Variants in MGAT4C observed in about 807,000 individuals in gnomAD.
MGAT4C encodes the protein alpha-1,3-mannosyl-glycoprotein 4-beta-N-acetylglucosaminyltransferase C.
MGAT4C carries 19 observed loss-of-function variants against 40.1 expected under a neutral mutation model. That is an observed-to-expected ratio of 0.47 (90% CI 0.33 to 0.70). MGAT4C has a LOEUF of 0.70. MGAT4C is among the 30% of genes least tolerant of loss of function. MGAT4C has a pLI of 0.02. For synonymous variants in MGAT4C, 181 were observed against 187.1 expected, an observed-to-expected ratio of 0.97 and a Z score of 0.27; for missense variants, 491 against 563.2, an observed-to-expected ratio of 0.87 and a Z score of 1.30.
chr12:86,306,326 G>T (rs1030433441), intron 4 of MGAT4C, among the ~76,000 whole-genome samples: 1 of 150,202 alleles, frequency 6.7e-6, no homozygotes, highest in African/African-American at 2.5e-5. Context: ...CATCAGAATG[G>T]ATAAACAATG....
intron 4 of MGAT4C, among the ~76,000 whole-genome samples, chr12:86,278,380 T>C (rs546991922): frequency 6.6e-6 from 1 of 152,224 alleles, no homozygotes; most frequent in African/African-American, 2.4e-5. Context: ...GATTTCACCA[T>C]GCTGGGCAGG....
chr12:86,033,340 T>G (rs1890931690), intron 2 of MGAT4C, among the ~76,000 whole-genome samples: 1 of 149,854 alleles, frequency 6.7e-6, no homozygotes, highest in Non-Finnish European at 1.5e-5. Context: ...ATCTTTAGAT[T>G]GCTTTGGGCA....
At chr12:86,316,374 C>T (rs142937875) in intron 4 of MGAT4C, among the ~76,000 whole-genome samples, 23 of 152,206 alleles carry the variant, frequency 1.5e-4, no homozygotes, top group Non-Finnish European at 3.1e-4. Flanking sequence ...GGCTATATAT[C>T]CAAAAGAAAA....
chr12:86,790,328 G>A (rs1403049705), intron 1 of MGAT4C, among the ~76,000 whole-genome samples: 1 of 152,024 alleles, frequency 6.6e-6, no homozygotes, highest in Non-Finnish European at 1.5e-5. Context: ...TTTTTCCCAT[G>A]AATCATGTTT....
intron 1 of MGAT4C, among the ~76,000 whole-genome samples, chr12:86,051,609 T>C (rs1391613616): frequency 2.0e-5 from 3 of 151,900 alleles, no homozygotes; most frequent in African/African-American, 7.2e-5. Flanking sequence ...TATTTTGTTA[T>C]CAAATCAAAA....
chr12:86,654,723 T>A (rs1049767815), intron 2 of MGAT4C, among the ~76,000 whole-genome samples: 4 of 114,796 alleles, frequency 3.5e-5, no homozygotes, highest in Admixed American at 7.8e-5. Flanking sequence ...CCCTGTACCT[T>A]TTTTTTTTTT....
chr12:86,764,586 C>T (rs1454072053), intron 1 of MGAT4C, among the ~76,000 whole-genome samples: 2 of 70,488 alleles, frequency 2.8e-5, no homozygotes, highest in Non-Finnish European at 6.9e-5. Flanking sequence ...GACCCCTGAC[C>T]CCTGAGCAGC....
At chr12:86,095,933 C>G (rs1166704602) in intron 1 of MGAT4C, among the ~76,000 whole-genome samples, 1 of 151,776 alleles carries the variant, frequency 6.6e-6, no homozygotes, top group East Asian at 1.9e-4. Context: ...TGATATTTCT[C>G]TAATCCTTTG....
At chr12:86,533,617 T>G (rs922654867) in intron 2 of MGAT4C, among the ~76,000 whole-genome samples, 2 of 151,668 alleles carry the variant, frequency 1.3e-5, no homozygotes, top group African/African-American at 4.8e-5. Flanking sequence ...ATACACACTA[T>G]GTACTATATA....
At chr12:86,041,291 T>A (rs1891813987) in intron 2 of MGAT4C, among the ~76,000 whole-genome samples, 1 of 152,152 alleles carries the variant, frequency 6.6e-6, no homozygotes, top group Non-Finnish European at 1.5e-5. Flanking sequence ...TGTTGATTTT[T>A]TTTTATGGTT....
chr12:86,154,075 C>A (rs1884625954), intron 1 of MGAT4C, among the ~76,000 whole-genome samples: 1 of 152,172 alleles, frequency 6.6e-6, no homozygotes, highest in Admixed American at 6.5e-5. Flanking sequence ...AACACATTTA[C>A]CATCACAAAG....
intron 2 of MGAT4C, among the ~76,000 whole-genome samples, chr12:86,631,045 C>G (rs570276860): frequency 6.6e-6 from 1 of 152,288 alleles, no homozygotes; most frequent in African/African-American, 2.4e-5. Context: ...TGATAAGCAA[C>G]TTTAGCAAAG....
intron 1 of MGAT4C, among the ~76,000 whole-genome samples, chr12:86,196,203 T>C (rs1949794038): frequency 6.6e-6 from 1 of 152,202 alleles, no homozygotes; most frequent in South Asian, 2.1e-4. Context: ...CCTCACATGA[T>C]CATTCTCTGT....
chr12:86,465,210 C>G (rs1024715432), intron 2 of MGAT4C, among the ~76,000 whole-genome samples: 2 of 152,040 alleles, frequency 1.3e-5, no homozygotes, highest in African/African-American at 4.8e-5. Flanking sequence ...GCCATATACC[C>G]TTCACAAAAT....
chr12:86,254,195 A>G (rs1358211412), intron 1 of MGAT4C, among the ~76,000 whole-genome samples: 7 of 151,976 alleles, frequency 4.6e-5, no homozygotes, highest in Non-Finnish European at 1.0e-4. Context: ...CTATGATATC[A>G]TTGATGTCCT....
At chr12:86,187,873 T>A (rs1888948343) in intron 1 of MGAT4C, among the ~76,000 whole-genome samples, 1 of 152,068 alleles carries the variant, frequency 6.6e-6, no homozygotes, top group Admixed American at 6.6e-5. Flanking sequence ...ATCTCAAGAT[T>A]TTCAAAGATA....
At chr12:86,489,651 C>T (rs931176257) in intron 2 of MGAT4C, among the ~76,000 whole-genome samples, 1 of 152,196 alleles carries the variant, frequency 6.6e-6, no homozygotes, top group African/African-American at 2.4e-5. Context: ...GGCACTGAAG[C>T]TGCTGGCCAG....
chr12:86,368,905 G>A (rs956791524), intron 3 of MGAT4C, among the ~76,000 whole-genome samples: 14 of 151,950 alleles, frequency 9.2e-5, no homozygotes, highest in Non-Finnish European at 1.5e-4. Flanking sequence ...CTATAGTGCT[G>A]TTCAAGTCTG....
chr12:86,650,129 T>C (rs1963655059), intron 2 of MGAT4C, among the ~76,000 whole-genome samples: 1 of 152,008 alleles, frequency 6.6e-6, no homozygotes, highest in Non-Finnish European at 1.5e-5. Context: ...TCTCAGAATA[T>C]ATATCCTCTG....
Sources: gnomAD v4.1 joint callset for allele counts (sites outside exome capture counted in the v4.1 genomes callset) on GRCh38, gnomAD v4.1.1 for gene constraint, MANE v1.5 for transcripts, NCBI Gene and HGNC (gene_info 2026-07-23, HGNC 2026-07-21) for gene names.